MTA3: variants seen among roughly 807,000 people sequenced by gnomAD.
MTA3 encodes the protein metastasis-associated protein MTA3.
A neutral mutation model predicts 83.5 loss-of-function variants in MTA3; 34 were observed. The observed-to-expected ratio is 0.41, with a 90% CI of 0.31 to 0.54. The LOEUF (loss-of-function observed/expected upper bound fraction) is 0.54. MTA3 is among the 20% of genes least tolerant of loss of function. The pLI is 0.33. For missense variants in MTA3, 761 were observed against 726.4 expected (o/e 1.05, Z -0.55); for synonymous variants, 303 against 252.7 (o/e 1.20, Z -1.89).
At chr2:42,507,326 C>A (rs945069478) in intron 2 of MTA3, among the ~76,000 whole-genome samples, 1 of 152,020 alleles carries the variant, frequency 6.6e-6, no homozygotes, top group Non-Finnish European at 1.5e-5. Flanking sequence ...CATGCATGAC[C>A]ACACCCAGCT....
At chr2:42,553,681 G>A (rs1163599172) in intron 2 of MTA3, among the ~76,000 whole-genome samples, 2 of 151,402 alleles carry the variant, frequency 1.3e-5, no homozygotes, top group African/African-American at 4.9e-5. Flanking sequence ...GTTGCAGTGA[G>A]CCGAGATCAC....
rs35757918 is a variant in MTA3, at chr2:42,555,604, C to CAAA, written c.-140-14821_-140-14819dup. Among the ~76,000 whole-genome samples the CAAA allele has an allele frequency of 7.4e-4, 97 of 131,260 alleles. 1 individual carries two copies. Among genetic ancestry groups the CAAA allele is most frequent in the African/African-American group, 2.6e-3 (93 of 35,226 alleles). The allele number at this position is 131,260 out of a possible 152,430, so 86.1% of individuals were successfully genotyped here. On this transcript the variant is annotated intron_variant, in intron 2 of 17. Transcript: ENST00000405592. Reference sequence around the variant, plus strand: ...TGAAACCCCATCTCTACTAAAAATACAAAAAAAAAAAAAATTAGCCAGGTG... The same window carrying CAAA: ...TGAAACCCCATCTCTACTAAAAATACAAAAAAAAAAAAAAAAATTAGCCAGGTG...
At chr2:42,537,656 C>T (rs1224993983) in intron 2 of MTA3, among the ~76,000 whole-genome samples, 1 of 152,032 alleles carries the variant, frequency 6.6e-6, no homozygotes, top group African/African-American at 2.4e-5. Context: ...TTAGAAGAGG[C>T]TGAGGAGCTA....
At chr2:42,749,380 C>CT (rs113278024) in intron 16 of MTA3, among the ~76,000 whole-genome samples, 196 of 152,284 alleles carry the variant, frequency 1.3e-3, no homozygotes, top group African/African-American at 4.3e-3. Context: ...CTTTGTCTCT[C>CT]TTTTTTCTAG....
chr2:42,540,539 A>T (rs1676472212), intron 2 of MTA3, among the ~76,000 whole-genome samples: 1 of 152,028 alleles, frequency 6.6e-6, no homozygotes, highest in Non-Finnish European at 1.5e-5. Context: ...CTTTGTCATT[A>T]ATATTCTTTC....
rs201055312 is a variant in MTA3, at chr2:42,510,304, C to T, written c.-141+15050C>T. Among the ~76,000 whole-genome samples the T allele has an allele frequency of 2.3e-4, 32 of 137,910 alleles. No homozygotes were observed. In the East Asian group the frequency reaches 5.6e-3, roughly 24 times the overall value. 90.5% of individuals were successfully genotyped at this position (137,910 alleles called of 152,430 possible). On this transcript the variant is annotated intron_variant, in intron 2 of 17. Transcript: ENST00000405592. The stretch of plus-strand genomic sequence containing the variant: ...TTGCACCACTGCTCTCCAGCCTGGG[C>T]GACTCAGAAAAAAAAAAAAAAAAAA...
intron 16 of MTA3, among the ~76,000 whole-genome samples, chr2:42,741,930 G>C (rs1301370063): frequency 1.3e-5 from 2 of 152,172 alleles, no homozygotes; most frequent in Non-Finnish European, 2.9e-5. Flanking sequence ...GTTTAATGCA[G>C]AGTTGCCAAC....
intron 15 of MTA3, among the ~76,000 whole-genome samples, chr2:42,722,000 T>C (rs1667446501): frequency 6.6e-6 from 1 of 152,202 alleles, no homozygotes; most frequent in Admixed American, 6.5e-5. Flanking sequence ...TTCCAATGGC[T>C]TTTCCTAAAT....
At chr2:42,693,630 G>T (rs762944019) in intron 9 of MTA3, among the ~76,000 whole-genome samples, 113 of 151,572 alleles carry the variant, frequency 7.5e-4, no homozygotes, top group Non-Finnish European at 1.5e-3. Context: ...GTCCGGCCTG[G>T]GATCACCCTT....
At chr2:42,722,617 G>A (rs1316922488) in intron 15 of MTA3, among the ~76,000 whole-genome samples, 1 of 152,080 alleles carries the variant, frequency 6.6e-6, no homozygotes, top group South Asian at 2.1e-4. Context: ...TGTTGTATGT[G>A]ACCTTCTGAA....
In MTA3 at chr2:42,579,136, A is replaced by T; in HGVS notation, c.126A>T (p.Val42=). The T allele has an allele frequency of 6.2e-7, 1 of 1,608,942 alleles. No individual in the cohort carries two copies. The highest frequency in any genetic ancestry group is 8.5e-7 in the Non-Finnish European group (1 of 1,177,792). The change falls in exon 3 of 17, where the codon GTA becomes GTT. Residue 42 remains valine (V), a synonymous_variant. Coordinates refer to ENST00000405094, the MANE Select transcript of MTA3 (RefSeq NM_001330442.2). ...CAAGTGGCAACGTGGAAGCAAAAGT[A>T]GTATGCTTTTATAGACGACGTGATA... is the stretch of plus-strand genomic sequence containing the variant. ...KTASGNVEAK[V]VCFYRRRDIS... is the part of the protein sequence containing the mutation.
At chr2:42,672,299 G>A (rs1356718026) in intron 8 of MTA3, among the ~76,000 whole-genome samples, 10 of 150,536 alleles carry the variant, frequency 6.6e-5, no homozygotes, top group African/African-American at 2.2e-4. Context: ...GAGACCAGGA[G>A]TTTGAGACCA....
chr2:42,631,675 T>C (rs763110940), intron 4 of MTA3, among the ~76,000 whole-genome samples: 3 of 152,296 alleles, frequency 2.0e-5, no homozygotes, highest in Admixed American at 6.5e-5. Flanking sequence ...ACTCTTTTAG[T>C]TATTTTGTAT....
At chr2:42,710,351 G>A (rs778333205) in intron 14 of MTA3, among the ~76,000 whole-genome samples, 1 of 151,888 alleles carries the variant, frequency 6.6e-6, no homozygotes, top group Admixed American at 6.6e-5. Flanking sequence ...TCAGGAGTTC[G>A]AGACCAGCCT....
At chr2:42,552,245 A>T (rs1489797043) in intron 2 of MTA3, among the ~76,000 whole-genome samples, 1 of 152,224 alleles carries the variant, frequency 6.6e-6, no homozygotes. Flanking sequence ...GTGGCTGAGC[A>T]GCAGTGAGCT....
chr2:42,727,074 C>T (rs1667880164), intron 16 of MTA3, among the ~76,000 whole-genome samples: 1 of 152,158 alleles, frequency 6.6e-6, no homozygotes, highest in African/African-American at 2.4e-5. Context: ...CATGCACCCA[C>T]AGTTCTAGCT....
intron 3 of MTA3, among the ~76,000 whole-genome samples, chr2:42,605,818 G>A (rs1473697788): frequency 1.5e-5 from 2 of 132,984 alleles, no homozygotes; most frequent in Admixed American, 7.1e-5. Context: ...GCTCCCAGAC[G>A]GGGCGGCTGG....
Position 42,753,438 on chromosome 2 carries a change from A to G in MTA3, c.*39A>G, listed in dbSNP as rs1310401100. On this transcript the variant is annotated 3_prime_UTR_variant, in exon 17 of 17. Transcript: ENST00000405094. ...CATTCTACAATCCAAGACTTGCTGCACTGTCCTGCTGATGTTCACAGCCGT... is the reference window on the plus strand; with the variant it reads ...CATTCTACAATCCAAGACTTGCTGCGCTGTCCTGCTGATGTTCACAGCCGT... The G allele has an allele frequency of 4.5e-6, 7 of 1,550,444 alleles. No individual in the cohort carries two copies. In the South Asian group the frequency reaches 5.9e-5, roughly 13 times the overall value.
At chr2:42,612,329 C>G (rs1684328579) in intron 4 of MTA3, among the ~76,000 whole-genome samples, 2 of 152,106 alleles carry the variant, frequency 1.3e-5, no homozygotes, top group Non-Finnish European at 2.9e-5. Context: ...ATCCTCCCAC[C>G]TCAGCCTCCC....
Sources: allele counts gnomAD v4.1 joint callset (sites outside exome capture counted in the v4.1 genomes callset), GRCh38; gene constraint gnomAD v4.1.1; transcripts MANE v1.5; gene names NCBI Gene and HGNC (gene_info 2026-07-23, HGNC 2026-07-21).